LHFPL3: variants seen among roughly 807,000 people sequenced by gnomAD.
LHFPL3 encodes the protein LHFPL tetraspan subfamily member 3 protein.
In LHFPL3, 5 loss-of-function variants were observed where a neutral mutation model predicts 19.3. The observed-to-expected ratio is 0.26, with a 90% CI of 0.14 to 0.54. The LOEUF (loss-of-function observed/expected upper bound fraction) is 0.54, where lower values mean the gene tolerates loss of function less well. LHFPL3 is among the 20% of genes least tolerant of loss of function. LHFPL3 has a pLI of 0.94. For synonymous variants in LHFPL3, 133 were observed against 126.2 expected, an observed-to-expected ratio of 1.05 and a Z score of -0.36; for missense variants, 249 against 307.4, an observed-to-expected ratio of 0.81 and a Z score of 1.42.
intron 1 of LHFPL3, among the ~76,000 whole-genome samples, chr7:104,732,420 C>G (rs1277465024): frequency 6.6e-6 from 1 of 152,120 alleles, no homozygotes; most frequent in African/African-American, 2.4e-5. Flanking sequence ...TTGGTCTATT[C>G]AGAGATTCAA....
At chr7:104,384,551 C>A (rs1359376174) in intron 1 of LHFPL3, among the ~76,000 whole-genome samples, 2 of 151,624 alleles carry the variant, frequency 1.3e-5, no homozygotes, top group African/African-American at 4.8e-5. Flanking sequence ...CTTTGGGAGG[C>A]CGAGGCGGGT....
At chr7:104,784,371 C>A (rs1789871370) in intron 2 of LHFPL3, among the ~76,000 whole-genome samples, 1 of 152,140 alleles carries the variant, frequency 6.6e-6, no homozygotes, top group South Asian at 2.1e-4. Context: ...ACCTCGCCTG[C>A]AAAATGTGGT....
chr7:104,832,669 C>G (rs1265309172), intron 2 of LHFPL3, among the ~76,000 whole-genome samples: 2 of 145,308 alleles, frequency 1.4e-5, no homozygotes, highest in South Asian at 4.3e-4. Context: ...AAGGTCAAAC[C>G]AGATGGTTAG....
intron 1 of LHFPL3, among the ~76,000 whole-genome samples, chr7:104,474,967 A>G (rs916767806): frequency 3.9e-5 from 6 of 152,210 alleles, no homozygotes; most frequent in African/African-American, 1.4e-4. Flanking sequence ...AGAAGACTGA[A>G]TCACAAAAGA....
intron 2 of LHFPL3, among the ~76,000 whole-genome samples, chr7:104,842,274 C>A (rs1052859583): frequency 1.9e-5 from 2 of 107,640 alleles, no homozygotes; most frequent in East Asian, 5.8e-4. Flanking sequence ...CCTCCTCTAG[C>A]GGTAGAACCT....
intron 1 of LHFPL3, among the ~76,000 whole-genome samples, chr7:104,476,896 T>A (rs1216615567): frequency 6.6e-6 from 1 of 152,224 alleles, no homozygotes; most frequent in Non-Finnish European, 1.5e-5. Context: ...TATTAACTCC[T>A]TTAAGGCAGG....
intron 1 of LHFPL3, among the ~76,000 whole-genome samples, chr7:104,586,810 A>T (rs1274456016): frequency 6.6e-6 from 1 of 151,996 alleles, no homozygotes; most frequent in Non-Finnish European, 1.5e-5. Context: ...GTTTTATAAA[A>T]CCCCTTCTGG....
intron 1 of LHFPL3, among the ~76,000 whole-genome samples, chr7:104,381,840 T>C (rs1790835653): frequency 6.6e-6 from 1 of 152,212 alleles, no homozygotes; most frequent in South Asian, 2.1e-4. Context: ...ATAGCTTGCT[T>C]TTGAGTGAAA....
intron 1 of LHFPL3, chr7:104,470,154 T>C: frequency 2.2e-6 from 1 of 447,490 alleles, no homozygotes; most frequent in African/African-American, 2.0e-5. Flanking sequence ...TGGGGATTCT[T>C]TTCCCCCTGT....
chr7:104,485,308 T>C (rs1374151210), intron 1 of LHFPL3, among the ~76,000 whole-genome samples: 4 of 152,034 alleles, frequency 2.6e-5, no homozygotes, highest in African/African-American at 9.7e-5. Flanking sequence ...GAGATTCTCA[T>C]ATGTTTTATT....
chr7:104,509,155 A>G (rs1389493973), intron 1 of LHFPL3, among the ~76,000 whole-genome samples: 1 of 152,052 alleles, frequency 6.6e-6, no homozygotes, highest in Non-Finnish European at 1.5e-5. Context: ...GTTTCACTAG[A>G]GAATTCTACC....
At chr7:104,509,079 A>C (rs1793760771) in intron 1 of LHFPL3, among the ~76,000 whole-genome samples, 1 of 152,084 alleles carries the variant, frequency 6.6e-6, no homozygotes, top group African/African-American at 2.4e-5. Flanking sequence ...ATGTCCTATA[A>C]CTATATAGGA....
chr7:104,351,873 C>A (rs926527059), intron 1 of LHFPL3, among the ~76,000 whole-genome samples: 1 of 152,092 alleles, frequency 6.6e-6, no homozygotes, highest in Admixed American at 6.6e-5. Flanking sequence ...CCTGTTACAT[C>A]GAAGCCCATC....
intron 1 of LHFPL3, among the ~76,000 whole-genome samples, chr7:104,666,509 A>ATTTTTTTTTTTTTTTTTTTTTTT (rs1315147894): frequency 4.5e-5 from 2 of 44,162 alleles, no homozygotes; most frequent in African/African-American, 1.4e-4. Context: ...ACAGGATTTC[A>ATTTTTTTTTTTTTTTTTTTTTTT]TTCTTTTTTT....
chr7:104,772,441 G>A (rs952765581), intron 2 of LHFPL3, among the ~76,000 whole-genome samples: 5 of 152,036 alleles, frequency 3.3e-5, no homozygotes, highest in East Asian at 1.9e-4. Context: ...CAGCCCCTAC[G>A]GTGTGCTCAG....
chr7:104,589,514 C>T (rs953813748), intron 1 of LHFPL3, among the ~76,000 whole-genome samples: 6 of 152,100 alleles, frequency 3.9e-5, no homozygotes, highest in African/African-American at 9.6e-5. Context: ...TTCAGTTTGC[C>T]GGTATTTTTT....
chr7:104,452,324 T>G (rs76952694), intron 1 of LHFPL3, among the ~76,000 whole-genome samples: 3,885 of 152,318 alleles, frequency 0.026, 159 homozygotes, highest in African/African-American at 0.088. Context: ...AGTGCTTTAT[T>G]GATGGACATT....
chr7:104,715,636 T>C (rs4579445), intron 1 of LHFPL3, among the ~76,000 whole-genome samples: 27,963 of 152,192 alleles, frequency 0.18, 2,751 homozygotes, highest in African/African-American at 0.23. Context: ...TTTTCCTACA[T>C]ATATGGAGAT....
At chr7:104,348,491 A>G (rs928395674) in intron 1 of LHFPL3, among the ~76,000 whole-genome samples, 1 of 152,278 alleles carries the variant, frequency 6.6e-6, no homozygotes, top group African/African-American at 2.4e-5. Flanking sequence ...GGAATGACAC[A>G]TATTCTAAAT....
Sources: allele counts gnomAD v4.1 joint callset (sites outside exome capture counted in the v4.1 genomes callset), GRCh38; gene constraint gnomAD v4.1.1; transcripts MANE v1.5; gene names NCBI Gene and HGNC (gene_info 2026-07-23, HGNC 2026-07-21).